ABLIM3: variants seen among roughly 807,000 people sequenced by gnomAD.
The protein encoded by ABLIM3 is actin-binding LIM protein 3.
A neutral mutation model predicts 109.5 loss-of-function variants in ABLIM3; 61 were observed. That is an observed-to-expected ratio of 0.56 (90% confidence interval 0.45 to 0.69). The LOEUF (loss-of-function observed/expected upper bound fraction) is 0.69. Among genes scored for constraint, ABLIM3 ranks in the 30% least tolerant of loss-of-function variants. ABLIM3 has a pLI of 0.00. For synonymous variants in ABLIM3, 300 were observed against 324.8 expected (o/e 0.92, Z 0.82); for missense variants, 796 against 889.5 (o/e 0.89, Z 1.34).
chr5:149,186,104 G>A (rs1376492015), intron 3 of ABLIM3, among the ~76,000 whole-genome samples: 1 of 152,192 alleles, frequency 6.6e-6, no homozygotes, highest in Non-Finnish European at 1.5e-5. Flanking sequence ...AAGGAAACTT[G>A]CCTGTTCCAA....
intron 11 of ABLIM3, among the ~76,000 whole-genome samples, chr5:149,238,488 A>G (rs1377631190): frequency 2.0e-5 from 3 of 152,172 alleles, no homozygotes; most frequent in African/African-American, 4.8e-5. Flanking sequence ...AGGAGGATCA[A>G]GTGTTTAGTA....
chr5:149,182,291 T>G (rs1756536320), intron 2 of ABLIM3, among the ~76,000 whole-genome samples: 1 of 152,228 alleles, frequency 6.6e-6, no homozygotes, highest in Non-Finnish European at 1.5e-5. Context: ...TGGTTATCTT[T>G]ATAACCAGGA....
At chr5:149,146,941 C>T (rs1317712328) in intron 2 of ABLIM3, among the ~76,000 whole-genome samples, 1 of 152,114 alleles carries the variant, frequency 6.6e-6, no homozygotes, top group Non-Finnish European at 1.5e-5. Flanking sequence ...TCTTCCAATC[C>T]ATGAGCATGG....
chr5:149,258,357 G>A lies in ABLIM3; in HGVS notation c.2005G>A (p.Ala669Thr). The change falls in exon 24 of 24, where the codon GCC (alanine) becomes ACC (threonine). Residue 669 changes from alanine (A) to threonine (T), a missense_variant. Transcript: ENST00000309868. ...GACCATCTCTGAGTTTGACCGGCTG[G>A]CCCTCTGGAAGAGGAATGAACTGAA... ...GMTISEFDRLALWKRNELKKQ... is the reference protein window; with the variant it reads ...GMTISEFDRLTLWKRNELKKQ... 2.5e-6 allele frequency: 4 copies of A among 1,613,954 alleles called. No individual in the cohort carries two copies. The highest frequency in any genetic ancestry group is 3.4e-6 in the Non-Finnish European group (4 of 1,180,008).
intron 11 of ABLIM3, 36 bp from the exon 12 acceptor site, chr5:149,239,212 C>G: frequency 6.2e-7 from 1 of 1,612,024 alleles, no homozygotes; most frequent in Non-Finnish European, 8.5e-7. Context: ...TCCTTCTGCT[C>G]GTTCCACAAC....
chr5:149,184,156 C>G (rs1756736435), intron 3 of ABLIM3, among the ~76,000 whole-genome samples: 1 of 152,002 alleles, frequency 6.6e-6, no homozygotes, highest in African/African-American at 2.4e-5. Context: ...CTAGACTCAA[C>G]CAAGCTAAGA....
intron 8 of ABLIM3, among the ~76,000 whole-genome samples, chr5:149,222,909 T>A (rs531049075): frequency 6.6e-5 from 10 of 152,262 alleles, no homozygotes; most frequent in Admixed American, 4.6e-4. Flanking sequence ...TAGTTTAGCA[T>A]TATTACTTTA....
intron 8 of ABLIM3, among the ~76,000 whole-genome samples, chr5:149,222,402 T>C (rs1760740973): frequency 6.6e-6 from 1 of 152,074 alleles, no homozygotes; most frequent in Admixed American, 6.5e-5. Context: ...CCAGAATTCT[T>C]AAACTGGTTC....
At position 149,217,001 on chromosome 5, in the gene ABLIM3, C is replaced by T. The variant is rs767983995; in HGVS notation, c.712C>T (p.Arg238Cys). 27 of 1,614,014 alleles carry T rather than the reference C, an allele frequency of 1.7e-5. No homozygotes were observed. Among genetic ancestry groups the T allele is most frequent in the East Asian group, 2.2e-5 (1 of 44,884 alleles). Residue 238 changes from arginine (R) to cysteine (C), a missense_variant, in exon 8 of 24, where the codon CGC (arginine) becomes TGC (cysteine). Coordinates refer to ENST00000309868, the MANE Select transcript of ABLIM3 (RefSeq NM_014945.5). ...HYHPTCARCV[R>C]CHQMFTEGEE... is the part of the protein sequence containing the mutation. ...CCACCCAACCTGTGCCAGGTGTGTA[C>T]GCTGCCACCAGATGTTCACCGAAGG...
At chr5:149,182,418 A>G (rs1402727752) in intron 2 of ABLIM3, among the ~76,000 whole-genome samples, 1 of 152,192 alleles carries the variant, frequency 6.6e-6, no homozygotes, top group East Asian at 1.9e-4. Context: ...GGGGTTTTCT[A>G]TAGGAGAGAA....
chr5:149,258,258 T>TCCCCC, intron 23 of ABLIM3, 33 bp from the exon 24 acceptor site: 2 of 1,595,296 alleles, frequency 1.3e-6, no homozygotes, highest in Non-Finnish European at 1.7e-6. Context: ...TCTTTCTCTG[T>TCCCCC]CCCCCCACCC....
In ABLIM3 at chr5:149,239,280, A is replaced by G. The variant is rs1410360422; in HGVS notation, c.1074+3A>G. On this transcript the variant is annotated splice_donor_region_variant and intron_variant, in intron 12 of 23. Coordinates refer to ENST00000309868, the MANE Select transcript of ABLIM3 (RefSeq NM_014945.5). ...GAACATTATCTCCCTACTCCCAGGT[A>G]ATTCAGCTGATAGAGAATTAAGTTG... The G allele has an allele frequency of 6.2e-7, 1 of 1,613,700 alleles. No homozygotes were observed. The highest frequency in any genetic ancestry group is 8.5e-7 in the Non-Finnish European group (1 of 1,179,738).
intron 2 of ABLIM3, among the ~76,000 whole-genome samples, chr5:149,158,889 A>G (rs533988391): frequency 3.2e-4 from 49 of 152,330 alleles, no homozygotes; most frequent in Non-Finnish European, 6.0e-4. Flanking sequence ...GCAAATTAAA[A>G]CCACCTTTTT....
intron 20 of ABLIM3, among the ~76,000 whole-genome samples, 196 bp downstream of exon 20, chr5:149,250,701 T>G (rs528270024): frequency 1.3e-5 from 2 of 152,294 alleles, no homozygotes; most frequent in African/African-American, 4.8e-5. Flanking sequence ...TGGGAGGGGC[T>G]TGGGAACAAC....
At chr5:149,252,928 T>A in intron 23 of ABLIM3, 91 bp downstream of exon 23, 1 of 981,142 alleles carries the variant, frequency 1.0e-6, no homozygotes, top group Non-Finnish European at 1.6e-6. Flanking sequence ...CTGGGTGGAA[T>A]GAGTGGCTTT....
intron 8 of ABLIM3, among the ~76,000 whole-genome samples, chr5:149,226,341 C>T (rs953744871): frequency 7.2e-5 from 11 of 151,864 alleles, no homozygotes; most frequent in Admixed American, 1.3e-4. Context: ...AAAAATTAGC[C>T]GAGTGTGGTG....
chr5:149,223,061 C>G (rs1377856714), intron 8 of ABLIM3, among the ~76,000 whole-genome samples: 1 of 152,104 alleles, frequency 6.6e-6, no homozygotes, highest in Non-Finnish European at 1.5e-5. Context: ...TTCCTGAAGT[C>G]TGACTCTACT....
intron 16 of ABLIM3, among the ~76,000 whole-genome samples, chr5:149,246,273 A>T (rs1753343723): frequency 6.6e-6 from 1 of 152,216 alleles, no homozygotes; most frequent in African/African-American, 2.4e-5. Flanking sequence ...GCAGTGATCC[A>T]TCCCCACAGG....
intron 2 of ABLIM3, among the ~76,000 whole-genome samples, chr5:149,168,408 G>A (rs1755026725): frequency 6.6e-6 from 1 of 152,162 alleles, no homozygotes; most frequent in African/African-American, 2.4e-5. Flanking sequence ...ATCACATGCT[G>A]GCTCTGAAAT....
Sources: gnomAD v4.1 joint callset for allele counts (sites outside exome capture counted in the v4.1 genomes callset) on GRCh38, gnomAD v4.1.1 for gene constraint, MANE v1.5 for transcripts, NCBI Gene and HGNC (gene_info 2026-07-23, HGNC 2026-07-21) for gene names.